The following SPATA13 variants were observed in gnomAD, a reference collection of about 807,000 sequenced individuals.
SPATA13 encodes the protein spermatogenesis associated 13.
In SPATA13, 50 loss-of-function variants were observed where a neutral mutation model predicts 104.0. The ratio of observed to expected loss-of-function variants is 0.48; its 90% CI spans 0.38 to 0.61. SPATA13 has a LOEUF of 0.61. Among genes scored for constraint, SPATA13 ranks in the 20% least tolerant of loss-of-function variants. The probability of loss-of-function intolerance (pLI) is 0.00; values close to 1 mark genes in which losing one functional copy is unlikely to be tolerated. For synonymous variants in SPATA13, 606 were observed against 667.5 expected, an observed-to-expected ratio of 0.91 and a Z score of 1.42; for missense variants, 1,524 against 1,690.6, an observed-to-expected ratio of 0.90 and a Z score of 1.73.
chr13:24,186,201 G>A (rs1259550292), intron 1 of SPATA13, among the ~76,000 whole-genome samples: 4 of 152,136 alleles, frequency 2.6e-5, no homozygotes, highest in African/African-American at 2.4e-5. Flanking sequence ...GGAATGTTAC[G>A]GTTCACAGGG....
In SPATA13 at chr13:24,015,698, C is replaced by T. The variant is rs183441318; in HGVS notation, c.-146-1969C>T. 5.8e-3 allele frequency among the ~76,000 whole-genome samples: 886 copies of T among 151,804 alleles called. 2 individuals are homozygous for T. Among genetic ancestry groups the T allele is most frequent in the Non-Finnish European group, 7.9e-3 (538 of 67,964 alleles). ...AAGGTCAGACCAGCCAGGACACCCC[C>T]GGCCTTCCTGATCCTTCCCCTTTGG... On this transcript the variant is annotated intron_variant, in intron 2 of 14. Coordinates refer to the SPATA13 transcript ENST00000424834.
chr13:24,155,128 G>A (rs1293469802), intron 3 of SPATA13, among the ~76,000 whole-genome samples: 4 of 152,170 alleles, frequency 2.6e-5, no homozygotes, highest in African/African-American at 4.8e-5. Flanking sequence ...GATTACAGGC[G>A]TGAGCCACCT....
chr13:24,291,756 A>AT (rs71070676), intron 9 of SPATA13, among the ~76,000 whole-genome samples: 32 of 136,538 alleles, frequency 2.3e-4, no homozygotes, highest in African/African-American at 7.4e-4. Context: ...TTATTTTTTT[A>AT]TTTTTTTTTT....
At chr13:24,199,790 T>C (rs1300059748) in intron 1 of SPATA13, among the ~76,000 whole-genome samples, 1 of 152,268 alleles carries the variant, frequency 6.6e-6, no homozygotes, top group Non-Finnish European at 1.5e-5. Flanking sequence ...CTTTGGGTTC[T>C]TATTCAAATA....
At chr13:24,022,382 G>A (rs1279812332) in intron 3 of SPATA13, among the ~76,000 whole-genome samples, 5 of 152,130 alleles carry the variant, frequency 3.3e-5, no homozygotes, top group Non-Finnish European at 7.3e-5. Flanking sequence ...AACTGATAAA[G>A]CACTTGTAAA....
At chr13:24,126,123 C>G (rs572170317) in intron 3 of SPATA13, among the ~76,000 whole-genome samples, 6 of 152,292 alleles carry the variant, frequency 3.9e-5, no homozygotes, top group Non-Finnish European at 8.8e-5. Flanking sequence ...CACTCCCAGT[C>G]TGTTGCAAGA....
chr13:24,228,259 A>T (rs372454768), intron 2 of SPATA13, among the ~76,000 whole-genome samples: 9 of 151,744 alleles, frequency 5.9e-5, no homozygotes, highest in East Asian at 5.8e-4. Flanking sequence ...GACTACAGGC[A>T]CCTGCCACCA....
At chr13:24,248,928 G>A (rs1178278297) in intron 2 of SPATA13, among the ~76,000 whole-genome samples, 2 of 150,238 alleles carry the variant, frequency 1.3e-5, no homozygotes, top group African/African-American at 4.9e-5. Context: ...CACCCAGGCT[G>A]GAGTGTGGTG....
In SPATA13 at chr13:24,142,672, T is replaced by TTCTTCCTCTTCCTCTTCC. The variant is rs542586258; in HGVS notation, c.-111-80139_-111-80122dup. Among the ~76,000 whole-genome samples, 335 of 152,264 alleles carry TTCTTCCTCTTCCTCTTCC rather than the reference T, an allele frequency of 2.2e-3. 2 individuals carry two copies. The highest frequency in any genetic ancestry group is 3.9e-3 in the Non-Finnish European group (268 of 68,004). On this transcript the variant is annotated intron_variant, in intron 3 of 14. Coordinates refer to the SPATA13 transcript ENST00000424834. ...CCTCCCCCTTTCCTCTTCCTCATCC[T>TTCTTCCTCTTCCTCTTCC]TCTTCCTCTTCCTCTTCCTCTTCCT...
At chr13:24,010,872 C>T (rs1274147832) in intron 2 of SPATA13, among the ~76,000 whole-genome samples, 2 of 151,862 alleles carry the variant, frequency 1.3e-5, no homozygotes, top group Admixed American at 6.5e-5. Flanking sequence ...CCCTGAGCAC[C>T]TGGTTCTAGG....
intron 3 of SPATA13, among the ~76,000 whole-genome samples, chr13:24,056,751 A>G (rs1878560105): frequency 6.6e-6 from 1 of 152,012 alleles, no homozygotes; most frequent in African/African-American, 2.4e-5. Flanking sequence ...GTTTTTTGGG[A>G]GAGGAATGAA....
chr13:24,196,717 C>A (rs560812920), intron 1 of SPATA13, among the ~76,000 whole-genome samples: 1 of 152,156 alleles, frequency 6.6e-6, no homozygotes, highest in Non-Finnish European at 1.5e-5. Context: ...GTAGCCTGGA[C>A]AACAGAGTGA....
intron 3 of SPATA13, among the ~76,000 whole-genome samples, chr13:24,094,616 G>A (rs906828868): frequency 6.6e-6 from 1 of 152,166 alleles, no homozygotes; most frequent in African/African-American, 2.4e-5. Flanking sequence ...GAAGTTAGCT[G>A]TGTGTGGTGG....
intron 4 of SPATA13, among the ~76,000 whole-genome samples, chr13:24,277,044 G>A (rs892152208): frequency 1.3e-5 from 2 of 152,238 alleles, no homozygotes; most frequent in Non-Finnish European, 1.5e-5. Flanking sequence ...TGTTCAAGTA[G>A]AGTGGAGTCA....
chr13:24,276,540 G>A lies in SPATA13; in HGVS notation c.2165-7595G>A, dbSNP rs189891008. Among the ~76,000 whole-genome samples the A allele has an allele frequency of 3.8e-4, 58 of 152,338 alleles. 1 individual carries two copies. The highest frequency in any genetic ancestry group is 1.2e-3 in the African/African-American group (51 of 41,570). The stretch of plus-strand genomic sequence containing the variant: ...AAGTTGGTGTTTAATATGTGTGGCC[G>A]TTCTGCAAGATGAAAAAGTTCTGTC... On this transcript the variant is annotated intron_variant, in intron 4 of 12. Transcript: ENST00000382108.
intron 2 of SPATA13, among the ~76,000 whole-genome samples, chr13:24,005,170 A>G (rs1030874170): frequency 1.3e-5 from 2 of 152,222 alleles, no homozygotes; most frequent in Non-Finnish European, 2.9e-5. Context: ...ACAGATGCTG[A>G]AAGATGACAT....
intron 1 of SPATA13, among the ~76,000 whole-genome samples, chr13:24,217,619 AG>A (rs900456099): frequency 2.4e-4 from 36 of 152,374 alleles, no homozygotes; most frequent in African/African-American, 8.2e-4. Flanking sequence ...AACTGTTTCT[AG>A]GTATTTCAAA....
intron 2 of SPATA13, among the ~76,000 whole-genome samples, chr13:23,999,785 G>A (rs566989731): frequency 9.2e-5 from 14 of 152,320 alleles, no homozygotes; most frequent in African/African-American, 3.4e-4. Context: ...GGTAAATATG[G>A]TTCCTATTAC....
intron 3 of SPATA13, among the ~76,000 whole-genome samples, chr13:24,153,550 A>C (rs2138473677): frequency 6.6e-6 from 1 of 152,346 alleles, no homozygotes; most frequent in East Asian, 1.9e-4. Flanking sequence ...AAGGCAGCCA[A>C]GGCCACTTTC....
Sources: allele counts gnomAD v4.1 joint callset (sites outside exome capture counted in the v4.1 genomes callset), GRCh38; gene constraint gnomAD v4.1.1; transcripts MANE v1.5; gene names NCBI Gene and HGNC (gene_info 2026-07-23, HGNC 2026-07-21).